ARHGEF11: variants seen among roughly 807,000 people sequenced by gnomAD.
ARHGEF11 encodes the protein Rho guanine exchange factor (GEF) 11.
Under a neutral mutation model 193.7 loss-of-function variants are expected in ARHGEF11, and 55 were observed. The observed-to-expected ratio is 0.28, with a 90% CI of 0.23 to 0.36. The LOEUF is 0.36. Among genes scored for constraint, ARHGEF11 ranks in the 10% least tolerant of loss-of-function variants. ARHGEF11 has a pLI of 1.00. For missense variants in ARHGEF11, 1,723 were observed against 2,005.6 expected (o/e 0.86, Z 2.69); for synonymous variants, 693 against 768.0 (o/e 0.90, Z 1.62).
intron 7 of ARHGEF11, among the ~76,000 whole-genome samples, chr1:156,975,806 T>C (rs1276154489): frequency 6.6e-6 from 1 of 152,220 alleles, no homozygotes; most frequent in African/African-American, 2.4e-5. Context: ...CCTAGCACCA[T>C]TTGTTGAAAA....
intron 15 of ARHGEF11, among the ~76,000 whole-genome samples, chr1:156,959,831 G>A (rs1013995372): frequency 6.6e-6 from 1 of 151,966 alleles, no homozygotes; most frequent in East Asian, 1.9e-4. Context: ...TGATTAGAAG[G>A]AGAAGGGAGA....
intron 9 of ARHGEF11, among the ~76,000 whole-genome samples, chr1:156,969,758 C>G (rs897591545): frequency 6.6e-6 from 1 of 152,252 alleles, no homozygotes; most frequent in East Asian, 1.9e-4. Context: ...CTGGACCATA[C>G]TCATTCTGGT....
intron 20 of ARHGEF11, 21 bp downstream of exon 20, chr1:156,955,682 T>A: frequency 6.3e-7 from 1 of 1,591,288 alleles, no homozygotes; most frequent in Non-Finnish European, 8.6e-7. Context: ...TGCCCAAGGC[T>A]GTTGCTCCCC....
intron 22 of ARHGEF11, among the ~76,000 whole-genome samples, chr1:156,949,716 C>G (rs1658791344): frequency 6.6e-6 from 1 of 152,084 alleles, no homozygotes; most frequent in Non-Finnish European, 1.5e-5. Context: ...CAACAAACAC[C>G]CAGTGGAGTT....
intron 37 of ARHGEF11, 94 bp downstream of exon 37, chr1:156,939,454 A>G: frequency 6.4e-7 from 1 of 1,561,818 alleles, no homozygotes; most frequent in South Asian, 1.1e-5. Context: ...CACGGTACCC[A>G]GGGGGAGTAT....
In ARHGEF11 at chr1:156,937,304, A is replaced by G. The variant is rs148727257; in HGVS notation, c.4385T>C (p.Val1462Ala). Residue 1462 changes from valine (V) to alanine (A), a missense_variant, in exon 39 of 41, where the codon GTG becomes GCG. Physicochemically the swap from Val to Ala is moderately conservative, Grantham distance 64. Around this residue, in one of 5 missense-constraint regions of ARHGEF11, gnomAD observed 360 missense variants for 344.4 expected, o/e 1.05. Transcript: ENST00000368194. ...CTCAATGGTATGGAAGATCATGCCC[A>G]CGTCCCTGAGGGCCAGGCTTGGAGG... is the stretch of plus-strand genomic sequence containing the variant. ...RSPPSLALRDVGMIFHTIEQL... is the reference protein window; with the variant it reads ...RSPPSLALRDAGMIFHTIEQL... 4.3e-4 allele frequency: 688 copies of G among 1,613,790 alleles called. 1 individual carries two copies. The highest frequency in any genetic ancestry group is 3.3e-4 in the Non-Finnish European group (386 of 1,179,922).
In ARHGEF11 at chr1:156,954,883, T is replaced by G. The variant is rs1270539052; in HGVS notation, c.1798+9A>C. On this transcript the variant is annotated intron_variant, in intron 21 of 40. Coordinates refer to ENST00000368194, the MANE Select transcript of ARHGEF11 (RefSeq NM_198236.3). ...GCAAAGACAAACCCAAATAAAATGG[T>G]CCTTTTACCTTCCACAGGGGACAAG... 1 of 1,607,288 alleles carries G rather than the reference T, an allele frequency of 6.2e-7. No individual in the cohort carries two copies. The highest frequency in any genetic ancestry group is 1.3e-5 in the African/African-American group (1 of 74,684).
At chr1:157,014,039 A>G (rs983503667) in intron 1 of ARHGEF11, among the ~76,000 whole-genome samples, 1 of 152,176 alleles carries the variant, frequency 6.6e-6, no homozygotes, top group Non-Finnish European at 1.5e-5. Flanking sequence ...GTGATCTAAC[A>G]TGCAGATTCA....
In ARHGEF11 at chr1:156,963,370, C is replaced by T. The variant is rs1162586330; in HGVS notation, c.1039-66G>A. The stretch of plus-strand genomic sequence containing the variant: ...AGCAGCACAGCGGGTTCCAGCTTAG[C>T]TCCCATGTGATTCCCCGTCCTGGGT... On this transcript the variant is annotated intron_variant, in intron 12 of 40. Coordinates refer to ENST00000368194, the MANE Select transcript of ARHGEF11 (RefSeq NM_198236.3). 3.3e-6 allele frequency: 5 copies of T among 1,523,228 alleles called. No homozygotes were observed. In the African/African-American group the frequency reaches 6.8e-5, roughly 21 times the overall value. 94.4% of individuals were successfully genotyped at this position (1,523,228 alleles called of 1,614,324 possible).
At chr1:156,938,061 C>T (rs1655887766) in intron 38 of ARHGEF11, among the ~76,000 whole-genome samples, 1 of 152,230 alleles carries the variant, frequency 6.6e-6, no homozygotes, top group Non-Finnish European at 1.5e-5. Context: ...CCGATTTCCA[C>T]AGTGACACTG....
intron 1 of ARHGEF11, among the ~76,000 whole-genome samples, chr1:157,029,261 T>TTTGTTG (rs3082842): frequency 0.59 from 88,906 of 150,208 alleles, 26,740 homozygotes; most frequent in Middle Eastern, 0.73. Context: ...TTTGGTGGTT[T>TTTGTTG]TTGTTGTTGT....
At chr1:157,022,254 T>C (rs1389246361) in intron 1 of ARHGEF11, among the ~76,000 whole-genome samples, 2 of 152,168 alleles carry the variant, frequency 1.3e-5, no homozygotes, top group African/African-American at 2.4e-5. Flanking sequence ...TCTCTATACA[T>C]GGAATGATCT....
In ARHGEF11 at chr1:156,939,745, C is replaced by A; in HGVS notation, c.3899G>T (p.Gly1300Val). 1 of 1,614,072 alleles carries A rather than the reference C, an allele frequency of 6.2e-7. No individual in the cohort carries two copies. The highest frequency in any genetic ancestry group is 8.5e-7 in the Non-Finnish European group (1 of 1,179,986). The change falls in exon 37 of 41, where the codon GGT (glycine) becomes GTT (valine). Residue 1300 changes from glycine to valine, a missense_variant. Around this residue, in one of 5 missense-constraint regions of ARHGEF11, gnomAD observed 360 missense variants for 344.4 expected, o/e 1.05. Transcript: ENST00000368194. ...PGSPGQAPPG[G>V]EGDNTQLAGL... ...TGCAAGCTGGGTGTTGTCCCCTTCA[C>A]CCCCAGGGGGTGCTTGCCCTGGGGA... is the stretch of plus-strand genomic sequence containing the variant.
intron 3 of ARHGEF11, 64 bp downstream of exon 3, chr1:156,984,275 C>T: frequency 1.5e-6 from 2 of 1,306,532 alleles, no homozygotes; most frequent in East Asian, 2.5e-5. Context: ...TAGAATGGCA[C>T]TGTCACATAC....
intron 1 of ARHGEF11, among the ~76,000 whole-genome samples, chr1:157,041,246 G>A (rs1292660963): frequency 6.6e-6 from 1 of 152,114 alleles, no homozygotes; most frequent in Non-Finnish European, 1.5e-5. Flanking sequence ...GTTTGCAATA[G>A]CAAACACATT....
At position 156,936,936 on chromosome 1, in the gene ARHGEF11, C is replaced by A. The variant is rs1362012869; in HGVS notation, c.4510G>T (p.Val1504Leu). 1.2e-6 allele frequency: 2 copies of A among 1,614,132 alleles called. No individual in the cohort carries two copies. Among genetic ancestry groups the A allele is most frequent in the Non-Finnish European group, 1.7e-6 (2 of 1,180,018 alleles). Residue 1504 changes from valine (V) to leucine (L), a missense_variant, in exon 40 of 41, where the codon GTG becomes TTG. By Grantham distance (32) the Val-to-Leu change is conservative. Around this residue, in one of 5 missense-constraint regions of ARHGEF11, gnomAD observed 360 missense variants for 344.4 expected, o/e 1.05. Coordinates refer to ENST00000368194, the MANE Select transcript of ARHGEF11 (RefSeq NM_198236.3). ...GCTGCTTCTGTGTGGAAACTGCCCA[C>A]AGGCGTGGTGCCACCAGATGACTCT... ...GGESSGGTTP[V>L]GSFHTEAARW...
intron 22 of ARHGEF11, among the ~76,000 whole-genome samples, chr1:156,950,523 C>T (rs1235905968): frequency 6.6e-6 from 1 of 152,076 alleles, no homozygotes; most frequent in Non-Finnish European, 1.5e-5. Flanking sequence ...GCCTGTATCC[C>T]TAGTTACTCA....
intron 22 of ARHGEF11, 63 bp downstream of exon 22, chr1:156,951,510 G>C (rs1659093238): frequency 1.3e-6 from 2 of 1,594,100 alleles, no homozygotes; most frequent in African/African-American, 1.3e-5. Flanking sequence ...TTAAACCCTA[G>C]CATCAGCCCT....
At chr1:157,013,225 G>A (rs1221303196) in intron 1 of ARHGEF11, among the ~76,000 whole-genome samples, 2 of 124,532 alleles carry the variant, frequency 1.6e-5, no homozygotes, top group Non-Finnish European at 1.7e-5. Context: ...TCATGTACTT[G>A]GGTCTGTCCC....
Sources: allele counts gnomAD v4.1 joint callset (sites outside exome capture counted in the v4.1 genomes callset), GRCh38; gene constraint gnomAD v4.1.1; regional missense constraint gnomAD v4.1.1; transcripts MANE v1.5; gene names NCBI Gene and HGNC (gene_info 2026-07-23, HGNC 2026-07-21).